MTMR11: variants seen among roughly 807,000 people sequenced by gnomAD.
MTMR11 encodes the protein myotubularin-related protein 11.
A neutral mutation model predicts 100.0 loss-of-function variants in MTMR11; 89 were observed. That is an observed-to-expected ratio of 0.89 (90% CI 0.75 to 1.06). MTMR11 has a LOEUF of 1.06. Among genes scored for constraint, MTMR11 ranks in the 50% least tolerant of loss-of-function variants. The pLI is 0.00. For missense variants in MTMR11, 809 were observed against 873.7 expected (o/e 0.93, Z 0.93); for synonymous variants, 336 against 326.3 (o/e 1.03, Z -0.32).
At position 149,929,271 on chromosome 1, in the gene MTMR11, G is replaced by T. The variant is rs1553766816; in HGVS notation, c.1988C>A (p.Ser663Tyr). The T allele has an allele frequency of 6.2e-7, 1 of 1,614,114 alleles. No individual in the cohort carries two copies. The highest frequency in any genetic ancestry group is 1.7e-5 in the Admixed American group (1 of 60,026). The change falls in exon 17 of 17, where the codon TCC becomes TAC. Residue 663 changes from serine (S) to tyrosine (Y), a missense_variant. Coordinates refer to ENST00000439741, the MANE Select transcript of MTMR11 (RefSeq NM_001145862.2). ...PTISGLQDEL[S>Y]HLQELLRKWT... ...TTTCCGTAATAACTCCTGAAGATGG[G>T]ATAGCTCATCCTGGAGGCCAGAGAT...
Position 149,933,879 on chromosome 1 carries a change from G to A in MTMR11, c.747C>T (p.Gly249=), listed in dbSNP as rs782284860. ...CCGGTCCACGGCCCTGATGAAAGTG[G>A]CCAAATGCTCTCCTGACCTCACTGT... ...ILDSEVRRAF[G]HFHQGRGPRL... Residue 249 remains glycine, a synonymous_variant, in exon 8 of 17, where the codon GGC becomes GGT. Transcript: ENST00000439741. 2.5e-6 allele frequency: 4 copies of A among 1,614,062 alleles called. No individual in the cohort carries two copies. The Admixed American group carries it at 6.7e-5, about 27-fold the overall frequency.
At position 149,930,387 on chromosome 1, in the gene MTMR11, T is replaced by A. The variant is rs1553767225; in HGVS notation, c.1625A>T (p.Asp542Val). The A allele has an allele frequency of 6.2e-7, 1 of 1,613,750 alleles. No individual in the cohort carries two copies. Among genetic ancestry groups the A allele is most frequent in the Non-Finnish European group, 8.5e-7 (1 of 1,179,730 alleles). Reference sequence around the variant, plus strand: ...CACCTGTGGTCTAGGGAGCCAGGAATCTGGACAGTGTTCTGGGTCATAGCC... The same window carrying A: ...CACCTGTGGTCTAGGGAGCCAGGAAACTGGACAGTGTTCTGGGTCATAGCC... ...NPGYDPEHCP[D>V]SWLPRPQPSF... Residue 542 changes from aspartate (D) to valine (V), a missense_variant, in exon 15 of 17, where the codon GAT becomes GTT. Coordinates refer to ENST00000439741, the MANE Select transcript of MTMR11 (RefSeq NM_001145862.2).
In MTMR11 at chr1:149,930,849, A is replaced by G. The variant is rs1553767389; in HGVS notation, c.1407T>C (p.Pro469=). Residue 469 remains proline, a synonymous_variant, in exon 14 of 17, where the codon CCT becomes CCC. Coordinates refer to ENST00000439741, the MANE Select transcript of MTMR11 (RefSeq NM_001145862.2). ...LLALHDSVRV[P]DTLTFLRNTP... ...TATTTCTCAGGAAGGTAAGGGTGTC[A>G]GGAACCCTGACACTGTCATGAAGAG... 1 of 1,611,230 alleles carries G rather than the reference A, an allele frequency of 6.2e-7. No homozygotes were observed. The highest frequency in any genetic ancestry group is 2.2e-5 in the East Asian group (1 of 44,798).
chr1:149,934,529 G>A lies in MTMR11; in HGVS notation c.469-3C>T. ...GCTTGGACAATGGCCATGGTCACCT[G>A]CAGAGGAAAGGACATTCCATCCTTT... is the stretch of plus-strand genomic sequence containing the variant. On this transcript the variant is annotated splice_polypyrimidine_tract_variant and splice_region_variant and intron_variant, in intron 5 of 16. Coordinates refer to ENST00000439741, the MANE Select transcript of MTMR11 (RefSeq NM_001145862.2). The A allele has an allele frequency of 6.2e-7, 1 of 1,613,898 alleles. No homozygotes were observed. Among genetic ancestry groups the A allele is most frequent in the Non-Finnish European group, 8.5e-7 (1 of 1,179,752 alleles).
In MTMR11 at chr1:149,935,026, A is replaced by G. The variant is rs1553768705; in HGVS notation, c.428T>C (p.Val143Ala). 3.1e-6 allele frequency: 5 copies of G among 1,613,788 alleles called. No homozygotes were observed. In the South Asian group the frequency reaches 5.5e-5, roughly 18 times the overall value. The stretch of plus-strand genomic sequence containing the variant: ...CTCTAGGCCTCCAGCCTCAAAACCA[A>G]CTCTGAGCAGCCGGAAGTCTCGGCC... ...IHGRDFRLLRVGFEAGGLEPQ... is the reference protein window; with the variant it reads ...IHGRDFRLLRAGFEAGGLEPQ... The change falls in exon 5 of 17, where the codon GTT (valine) becomes GCT (alanine). Residue 143 changes from valine (V) to alanine (A), a missense_variant. By Grantham distance (64) the Val-to-Ala change is moderately conservative. Transcript: ENST00000439741.
chr1:149,936,055 C>T (rs2092717579), intron 2 of MTMR11, 99 bp downstream of exon 2: 3 of 1,324,104 alleles, frequency 2.3e-6, no homozygotes, highest in East Asian at 2.3e-5. Context: ...GTACTTCGAG[C>T]CACGAGAGGA....
Position 149,932,269 on chromosome 1 carries a change from A to G in MTMR11, c.1047T>C (p.Tyr349=). Reference sequence around the variant, plus strand: ...TAGAAGAAGCGAGGGAGTACCTGACATAGTCCAGCCATCGTGTTCCTTCCA... The same window carrying G: ...TAGAAGAAGCGAGGGAGTACCTGACGTAGTCCAGCCATCGTGTTCCTTCCA... The part of the protein sequence containing the change: ...SALEGTRWLD[Y]VRACLRKASD... The change falls in exon 11 of 17, where the codon TAT becomes TAC. Residue 349 remains tyrosine (Y), a synonymous_variant. Coordinates refer to ENST00000439741, the MANE Select transcript of MTMR11 (RefSeq NM_001145862.2). 6.2e-7 allele frequency: 1 copy of G among 1,613,706 alleles called. No homozygotes were observed.
intron 12 of MTMR11, 155 bp from the exon 13 acceptor site, chr1:149,931,581 A>C (rs2101662170): frequency 1.5e-6 from 1 of 670,104 alleles, no homozygotes; most frequent in East Asian, 2.9e-5. Flanking sequence ...AGTGAAGAGA[A>C]AACAAAGACC....
At position 149,933,616 on chromosome 1, in the gene MTMR11, T is replaced by C. The variant is rs1553768174; in HGVS notation, c.854A>G (p.Asp285Gly). ...FYTASDPNKE[D>G]IRAVELMLQA... Reference sequence around the variant, plus strand: ...CTCATCAAGCCTCCCTCACCTGATATCCTCCTTGTTAGGGTCACTGGCTGT... The same window carrying C: ...CTCATCAAGCCTCCCTCACCTGATACCCTCCTTGTTAGGGTCACTGGCTGT... Residue 285 changes from aspartate (D) to glycine (G), a missense_variant, in exon 9 of 17, where the codon GAT becomes GGT. By Grantham distance (94) the Asp-to-Gly change is moderately conservative. Transcript: ENST00000439741. 1 of 1,614,164 alleles carries C rather than the reference T, an allele frequency of 6.2e-7. No homozygotes were observed. The highest frequency in any genetic ancestry group is 1.1e-5 in the South Asian group (1 of 91,088).
rs587773498 is a variant in MTMR11, at chr1:149,935,362, A to T, written c.265-3T>A. ...TATTCACTGTTCAAGGGAGTGTCCTAGACGAAACACGTGACTGGGTAGACA... is the reference window on the plus strand; with the variant it reads ...TATTCACTGTTCAAGGGAGTGTCCTTGACGAAACACGTGACTGGGTAGACA... On this transcript the variant is annotated splice_region_variant and splice_polypyrimidine_tract_variant and intron_variant, in intron 3 of 16. Transcript: ENST00000439741. 1 of 1,613,722 alleles carries T rather than the reference A, an allele frequency of 6.2e-7. No individual in the cohort carries two copies. Among genetic ancestry groups the T allele is most frequent in the East Asian group, 2.2e-5 (1 of 44,842 alleles).
In MTMR11 at chr1:149,931,265, C is replaced by T. The variant is rs782492859; in HGVS notation, c.1285G>A (p.Glu429Lys). 1.9e-6 allele frequency: 3 copies of T among 1,614,134 alleles called. No homozygotes were observed. Among genetic ancestry groups the T allele is most frequent in the Non-Finnish European group, 2.5e-6 (3 of 1,180,012 alleles). The part of the protein sequence containing the change: ...LTRLGGTGAS[E>K]EAPVFLLFLD... ...CCATCCCGAATCATTCTCACCTCTTCACTGGCCCCAGTTCCCCCAAGCCGA... is the reference window on the plus strand; with the variant it reads ...CCATCCCGAATCATTCTCACCTCTTTACTGGCCCCAGTTCCCCCAAGCCGA... The change falls in exon 13 of 17, where the codon GAA becomes AAA. Residue 429 changes from glutamate to lysine, a missense_variant. By Grantham distance (56) the Glu-to-Lys change is moderately conservative. Coordinates refer to ENST00000439741, the MANE Select transcript of MTMR11 (RefSeq NM_001145862.2).
rs1571560627 is a variant in MTMR11 at position 149,936,465 on chromosome 1, C to G, written c.66+117G>C. 7 of 1,322,824 alleles carry G rather than the reference C, an allele frequency of 5.3e-6. No individual in the cohort carries two copies. In the East Asian group the frequency reaches 1.8e-4, roughly 33 times the overall value. The allele number at this position is 1,322,824 out of a possible 1,614,324, so 81.9% of individuals were successfully genotyped here. A position where few individuals can be genotyped will look rare whatever the true frequency, so the allele number is the denominator to read the frequency against. Reference sequence around the variant, plus strand: ...ACGGACCAGGCTCCATCAGCAGAAGCTGATAGACAGACACACCCTCCTCCT... The same window carrying G: ...ACGGACCAGGCTCCATCAGCAGAAGGTGATAGACAGACACACCCTCCTCCT... On this transcript the variant is annotated intron_variant, in intron 1 of 16. Coordinates refer to ENST00000439741, the MANE Select transcript of MTMR11 (RefSeq NM_001145862.2).
chr1:149,936,371 G>T, intron 1 of MTMR11, 142 bp from the exon 2 acceptor site: 1 of 1,478,946 alleles, frequency 6.8e-7, no homozygotes, highest in Non-Finnish European at 8.9e-7. Context: ...AGACCTAACA[G>T]GGCTGGTAAA....
rs587740865 is a variant in MTMR11, at chr1:149,931,445, G to A, written c.1124-19C>T. 1 of 1,564,886 alleles carries A rather than the reference G, an allele frequency of 6.4e-7. No individual in the cohort carries two copies. The highest frequency in any genetic ancestry group is 1.9e-5 in the Admixed American group (1 of 52,248). On this transcript the variant is annotated intron_variant, in intron 12 of 16. Transcript: ENST00000439741. ...CCGCGCTCTGGGTGATAAAGAGGAA[G>A]AAGGGACAAAGAAGAGGGGTCCAAG...
In MTMR11 at chr1:149,936,242, G is replaced by A. The variant is rs587754744; in HGVS notation, c.67-13C>T. On this transcript the variant is annotated splice_polypyrimidine_tract_variant and intron_variant, in intron 1 of 16. Transcript: ENST00000439741. ...TTTCCTGGACAGACTTTGGTCCAGAGGGTTGAGGGGGGTCTAGAGTTAACC... is the reference window on the plus strand; with the variant it reads ...TTTCCTGGACAGACTTTGGTCCAGAAGGTTGAGGGGGGTCTAGAGTTAACC... 216 of 1,612,704 alleles carry A rather than the reference G, an allele frequency of 1.3e-4. 1 individual carries two copies. In the East Asian group the frequency reaches 4.5e-3, roughly 34 times the overall value.
At position 149,932,341 on chromosome 1, in the gene MTMR11, G is replaced by T; in HGVS notation, c.986-11C>A. ...CAGCTACAGATGAATCTGATAGAGG[G>T]TAGAAAGATCAGAAGGGCAAGAGAT... On this transcript the variant is annotated splice_polypyrimidine_tract_variant and intron_variant, in intron 10 of 16. Coordinates refer to ENST00000439741, the MANE Select transcript of MTMR11 (RefSeq NM_001145862.2). 1 of 1,609,000 alleles carries T rather than the reference G, an allele frequency of 6.2e-7. No individual in the cohort carries two copies. The highest frequency in any genetic ancestry group is 8.5e-7 in the Non-Finnish European group (1 of 1,175,544).
Position 149,930,873 on chromosome 1 carries a change from A to C in MTMR11, c.1383T>G (p.Ala461=). The change falls in exon 14 of 17, where the codon GCT becomes GCG. Residue 461 remains alanine (A), a synonymous_variant. Coordinates refer to ENST00000439741, the MANE Select transcript of MTMR11 (RefSeq NM_001145862.2). The part of the protein sequence containing the change: ...DFEFSEFFLL[A]LHDSVRVPDT... The stretch of plus-strand genomic sequence containing the variant: ...CAGGAACCCTGACACTGTCATGAAG[A>C]GCAAGAAGGAAAAACTCAGAGAATT... The C allele has an allele frequency of 1.9e-6, 3 of 1,613,534 alleles. No individual in the cohort carries two copies. The highest frequency in any genetic ancestry group is 2.5e-6 in the Non-Finnish European group (3 of 1,179,766).
rs78362386 is a variant in MTMR11 at position 149,929,093 on chromosome 1, C to CAA, written c.*34_*35dup. 1.8e-3 allele frequency: 2,507 copies of CAA among 1,421,948 alleles called. No homozygotes were observed. Among genetic ancestry groups the CAA allele is most frequent in the Admixed American group, 3.2e-3 (126 of 38,924 alleles). The allele number at this position is 1,421,948 out of a possible 1,614,324, so 88.1% of individuals were successfully genotyped here. A position where few individuals can be genotyped will look rare whatever the true frequency, so the allele number is the denominator to read the frequency against. On this transcript the variant is annotated 3_prime_UTR_variant, in exon 17 of 17. Coordinates refer to ENST00000439741, the MANE Select transcript of MTMR11 (RefSeq NM_001145862.2). ...AAAGCTGAGGCTGCAAGTGCAGATACAAAAAAAAAAAAAAAAGATTAGACA... is the reference window on the plus strand; with the variant it reads ...AAAGCTGAGGCTGCAAGTGCAGATACAAAAAAAAAAAAAAAAAAGATTAGACA...
chr1:149,933,358 C>CAGACCTAGGGCAGA (rs782666336), intron 10 of MTMR11, 48 bp downstream of exon 10: 7 of 1,603,678 alleles, frequency 4.4e-6, no homozygotes, highest in Non-Finnish European at 6.0e-6. Context: ...TTAGGCTCAG[C>CAGACCTAGGGCAGA]AGACCTAGGG....
Sources: allele counts gnomAD v4.1 joint callset, GRCh38; gene constraint gnomAD v4.1.1; transcripts MANE v1.5; gene names NCBI Gene and HGNC (gene_info 2026-07-23, HGNC 2026-07-21).